FOXN3: variants seen among roughly 807,000 people sequenced by gnomAD.
FOXN3 encodes forkhead box N3.
FOXN3 carries 7 observed loss-of-function variants against 38.4 expected under a neutral mutation model. That is an observed-to-expected ratio of 0.18 (90% confidence interval 0.10 to 0.34). FOXN3 has a LOEUF of 0.34. Ranked by LOEUF, FOXN3 falls within the 10% of genes least tolerant of loss-of-function variation. The pLI is 1.00. For synonymous variants in FOXN3, 230 were observed against 242.2 expected (o/e 0.95, Z 0.47); for missense variants, 456 against 613.4 (o/e 0.74, Z 2.71).
chr14:89,415,851 C>CACAT (rs1324458497), intron 1 of FOXN3, among the ~76,000 whole-genome samples: 1 of 48,830 alleles, frequency 2.0e-5, no homozygotes, highest in Non-Finnish European at 6.8e-5. Context: ...TTTCTCTACA[C>CACAT]ACACACACAC....
intron 1 of FOXN3, among the ~76,000 whole-genome samples, chr14:89,488,868 C>T (rs1893509459): frequency 1.3e-5 from 2 of 152,076 alleles, no homozygotes; most frequent in Admixed American, 1.3e-4. Flanking sequence ...CTGGTTTTAG[C>T]TTTAAAAAAA....
At chr14:89,237,315 G>GA (rs1320034914) in intron 4 of FOXN3, among the ~76,000 whole-genome samples, 11 of 152,154 alleles carry the variant, frequency 7.2e-5, no homozygotes, top group Admixed American at 3.9e-4. Flanking sequence ...GAATGGCTAT[G>GA]AAAAAATAGT....
At position 89,324,180 on chromosome 14, in the gene FOXN3, C is replaced by CGTT. The variant is rs560545450; in HGVS notation, c.680+26491_680+26492insAAC. On this transcript the variant is annotated intron_variant, in intron 3 of 5. Coordinates refer to ENST00000557258, the MANE Select transcript of FOXN3 (RefSeq NM_005197.4). The stretch of plus-strand genomic sequence containing the variant: ...GAATATCAGTAATAGCCAAGCAACA[C>CGTT]GCCCATTAGCTAAAGTGATTTCTCC... Among the ~76,000 whole-genome samples, 27 of 152,288 alleles carry CGTT rather than the reference C, an allele frequency of 1.8e-4. 1 individual carries two copies. In the South Asian group the frequency reaches 5.6e-3, roughly 32 times the overall value.
chr14:89,213,960 T>C (rs1051767229), intron 4 of FOXN3, among the ~76,000 whole-genome samples: 2 of 152,216 alleles, frequency 1.3e-5, no homozygotes, highest in African/African-American at 4.8e-5. Flanking sequence ...GGGTCTTTAC[T>C]CAATGAGTTT....
At chr14:89,335,756 A>G (rs1888432561) in intron 3 of FOXN3, among the ~76,000 whole-genome samples, 1 of 152,234 alleles carries the variant, frequency 6.6e-6, no homozygotes, top group Non-Finnish European at 1.5e-5. Flanking sequence ...AGAGATTTTC[A>G]TTTTTAAAGA....
intron 3 of FOXN3, among the ~76,000 whole-genome samples, chr14:89,292,342 A>G (rs1235552019): frequency 6.6e-6 from 1 of 151,976 alleles, no homozygotes; most frequent in African/African-American, 2.4e-5. Flanking sequence ...CACAAATCCC[A>G]AGAGCTGGCA....
intron 3 of FOXN3, among the ~76,000 whole-genome samples, chr14:89,299,796 C>T (rs1300941234): frequency 1.3e-5 from 2 of 152,172 alleles, no homozygotes; most frequent in South Asian, 4.1e-4. Flanking sequence ...ACAAATGGCA[C>T]CAGTGCAACA....
At chr14:89,537,141 A>G (rs970656134) in intron 1 of FOXN3, among the ~76,000 whole-genome samples, 1 of 152,320 alleles carries the variant, frequency 6.6e-6, no homozygotes, top group South Asian at 2.1e-4. Context: ...CTGAATCCAC[A>G]TCCTAAACAG....
intron 1 of FOXN3, among the ~76,000 whole-genome samples, chr14:89,433,677 G>A (rs561747014): frequency 9.2e-4 from 139 of 151,652 alleles, no homozygotes; most frequent in African/African-American, 3.1e-3. Flanking sequence ...GGTGGCAGGC[G>A]CCTGTAATCC....
intron 1 of FOXN3, among the ~76,000 whole-genome samples, chr14:89,546,335 T>TTTTTTTTTTTC (rs1894882962): frequency 8.4e-6 from 1 of 119,448 alleles, no homozygotes; most frequent in Non-Finnish European, 1.8e-5. Context: ...TTTTCTTTTT[T>TTTTTTTTTTTC]TTTTTTTTTT....
intron 2 of FOXN3, chr14:89,353,603 G>A (rs1889069799): frequency 6.6e-6 from 1 of 152,182 alleles, no homozygotes; most frequent in Admixed American, 6.5e-5. Context: ...CTTCTCCCTT[G>A]CTAGGGAAGC....
At position 89,516,378 on chromosome 14, in the gene FOXN3, G is replaced by A. The variant is rs139569669; in HGVS notation, c.-15+102650C>T. Among the ~76,000 whole-genome samples, 232 of 152,114 alleles carry A rather than the reference G, an allele frequency of 1.5e-3. 1 individual carries two copies. Among genetic ancestry groups the A allele is most frequent in the African/African-American group, 5.3e-3 (218 of 41,490 alleles). ...AAGGTGTAGAAGTAAGTAAACCACC[G>A]AAATTTCACAAATGAACACACGTGG... On this transcript the variant is annotated intron_variant, in intron 1 of 6. Coordinates refer to the FOXN3 transcript ENST00000345097.
At chr14:89,383,694 G>A (rs550584031) in intron 2 of FOXN3, among the ~76,000 whole-genome samples, 18 of 151,358 alleles carry the variant, frequency 1.2e-4, no homozygotes, top group Middle Eastern at 3.4e-3. Flanking sequence ...TCCTCTCCTC[G>A]TAAGGGACGC....
At position 89,251,435 on chromosome 14, in the gene FOXN3, A is replaced by C. The variant is rs117714605; in HGVS notation, c.745+29515T>G. 5.3e-4 allele frequency among the ~76,000 whole-genome samples: 81 copies of C among 152,354 alleles called. No homozygotes were observed. In the East Asian group the frequency reaches 0.014, roughly 27 times the overall value. On this transcript the variant is annotated intron_variant, in intron 4 of 5. Transcript: ENST00000557258. ...TGGGTCAGCCCAAAACACAAAATTCACTGGAAAAGCACCTCGCACATTTGA... is the reference window on the plus strand; with the variant it reads ...TGGGTCAGCCCAAAACACAAAATTCCCTGGAAAAGCACCTCGCACATTTGA...
intron 2 of FOXN3, among the ~76,000 whole-genome samples, chr14:89,356,165 A>C (rs1340503161): frequency 6.6e-6 from 1 of 152,182 alleles, no homozygotes; most frequent in East Asian, 1.9e-4. Flanking sequence ...TGGGAGGCCG[A>C]GGTGGACAGA....
intron 2 of FOXN3, among the ~76,000 whole-genome samples, chr14:89,371,485 C>T (rs531838618): frequency 1.1e-4 from 16 of 152,060 alleles, no homozygotes; most frequent in South Asian, 1.0e-3. Flanking sequence ...CTTGTGTGCC[C>T]GGCATTAAGC....
intron 4 of FOXN3, among the ~76,000 whole-genome samples, chr14:89,193,651 T>TGGATTGTTTCC (rs1888023421): frequency 6.6e-6 from 1 of 152,242 alleles, no homozygotes; most frequent in Admixed American, 6.5e-5. Context: ...AGGTTGACAC[T>TGGATTGTTTCC]GGATTGTTTC....
At chr14:89,317,570 G>A (rs142928904) in intron 3 of FOXN3, among the ~76,000 whole-genome samples, 29 of 152,202 alleles carry the variant, frequency 1.9e-4, no homozygotes, top group African/African-American at 6.0e-4. Flanking sequence ...GTAGGGTCCC[G>A]CAGGAAGACT....
At chr14:89,497,595 G>A (rs12590227) in intron 1 of FOXN3, among the ~76,000 whole-genome samples, 35,644 of 151,232 alleles carry the variant, frequency 0.24, 5,106 homozygotes, top group Non-Finnish European at 0.31. Context: ...TAGTAGAGAC[G>A]GGGTTTCTCC....
Sources: allele counts gnomAD v4.1 joint callset (sites outside exome capture counted in the v4.1 genomes callset), GRCh38; gene constraint gnomAD v4.1.1; transcripts MANE v1.5; gene names NCBI Gene and HGNC (gene_info 2026-07-23, HGNC 2026-07-21).